The following SPATS2L variants were observed in gnomAD, a reference collection of about 807,000 sequenced individuals.
The protein encoded by SPATS2L is SPATS2-like protein.
In SPATS2L, 30 loss-of-function variants were observed where a neutral mutation model predicts 59.6. The ratio of observed to expected loss-of-function variants is 0.50; its 90% CI spans 0.38 to 0.68. The LOEUF is 0.68. SPATS2L is among the 30% of genes least tolerant of loss of function. SPATS2L has a pLI of 0.00. For missense variants in SPATS2L, 615 were observed against 700.0 expected, an observed-to-expected ratio of 0.88 and a Z score of 1.37; for synonymous variants, 252 against 263.5, an observed-to-expected ratio of 0.96 and a Z score of 0.42.
chr2:200,384,107 A>G, intron 2 of SPATS2L: 1 of 602,536 alleles, frequency 1.7e-6, no homozygotes, highest in Middle Eastern at 3.8e-4. Flanking sequence ...TAACTCATAC[A>G]TATTAAAATT....
At chr2:200,376,324 AAT>A (rs1241553816) in intron 2 of SPATS2L, among the ~76,000 whole-genome samples, 1 of 152,230 alleles carries the variant, frequency 6.6e-6, no homozygotes, top group Non-Finnish European at 1.5e-5. Flanking sequence ...TAAGATAGTA[AAT>A]ATGACCCCCT....
intron 11 of SPATS2L, among the ~76,000 whole-genome samples, chr2:200,470,693 G>A (rs960793804): frequency 1.3e-5 from 2 of 152,134 alleles, no homozygotes; most frequent in African/African-American, 2.4e-5. Flanking sequence ...CCACAGCCTC[G>A]CAGTCAGCTG....
intron 5 of SPATS2L, among the ~76,000 whole-genome samples, chr2:200,418,933 A>C (rs2083189098): frequency 6.6e-6 from 1 of 152,194 alleles, no homozygotes; most frequent in South Asian, 2.1e-4. Context: ...GATGGTTATC[A>C]CCAGATTTTA....
At chr2:200,333,089 T>A (rs2080006819) in intron 2 of SPATS2L, among the ~76,000 whole-genome samples, 1 of 151,760 alleles carries the variant, frequency 6.6e-6, no homozygotes, top group Non-Finnish European at 1.5e-5. Context: ...AAGACCAGCC[T>A]GGGCAACATG....
intron 1 of SPATS2L, among the ~76,000 whole-genome samples, chr2:200,310,206 G>A (rs930174814): frequency 6.6e-6 from 1 of 152,078 alleles, no homozygotes; most frequent in Admixed American, 6.5e-5. Flanking sequence ...CAAACTTTTT[G>A]TATTCTCTCT....
At chr2:200,306,677 G>A (rs1456179943), upstream of SPATS2L, 8 of 986,422 alleles carry the variant, frequency 8.1e-6, no homozygotes, top group Non-Finnish European at 9.6e-6. Context: ...GTCCCTGCGT[G>A]GGGCGGCCGA....
chr2:200,331,005 C>T (rs2079925232), intron 2 of SPATS2L, among the ~76,000 whole-genome samples: 1 of 152,202 alleles, frequency 6.6e-6, no homozygotes, highest in African/African-American at 2.4e-5. Context: ...TTTCTAATTA[C>T]AGCTCAAAGG....
At chr2:200,432,878 A>T (rs925370404) in intron 6 of SPATS2L, among the ~76,000 whole-genome samples, 3 of 152,220 alleles carry the variant, frequency 2.0e-5, no homozygotes, top group African/African-American at 7.2e-5. Flanking sequence ...AAACTATGCC[A>T]ACTGAAGAAC....
At chr2:200,376,809 C>A (rs1209734550) in intron 2 of SPATS2L, among the ~76,000 whole-genome samples, 1 of 152,220 alleles carries the variant, frequency 6.6e-6, no homozygotes, top group Non-Finnish European at 1.5e-5. Flanking sequence ...TGCAGTCAGG[C>A]CCCTAGCTTC....
At chr2:200,403,868 G>T (rs2082608665) in intron 3 of SPATS2L, among the ~76,000 whole-genome samples, 1 of 146,886 alleles carries the variant, frequency 6.8e-6, no homozygotes, top group Non-Finnish European at 1.5e-5. Flanking sequence ...TTCCATAAGG[G>T]CAGCTCTAAA....
chr2:200,473,094 A>T (rs758891112), intron 12 of SPATS2L, 42 bp downstream of exon 12: 1 of 1,523,572 alleles, frequency 6.6e-7, no homozygotes, highest in Non-Finnish European at 8.8e-7. Flanking sequence ...AAAAAAAAAA[A>T]AAAACCTGTT....
chr2:200,402,743 C>T (rs868394025), intron 3 of SPATS2L, among the ~76,000 whole-genome samples: 17 of 152,172 alleles, frequency 1.1e-4, no homozygotes, highest in African/African-American at 3.9e-4. Flanking sequence ...ATGAATGAAC[C>T]AGGTATTAAA....
chr2:200,374,394 C>T (rs1273158860), intron 2 of SPATS2L, among the ~76,000 whole-genome samples: 4 of 152,166 alleles, frequency 2.6e-5, no homozygotes, highest in African/African-American at 9.7e-5. Flanking sequence ...TGATTAAGCT[C>T]ACCTAAACTA....
At chr2:200,422,085 C>A (rs2083328601) in intron 6 of SPATS2L, among the ~76,000 whole-genome samples, 1 of 152,216 alleles carries the variant, frequency 6.6e-6, no homozygotes, top group Non-Finnish European at 1.5e-5. Flanking sequence ...CTTTTGGAAA[C>A]CCTCACATGA....
At chr2:200,352,342 T>C (rs1391670259) in intron 2 of SPATS2L, among the ~76,000 whole-genome samples, 1 of 17,404 alleles carries the variant, frequency 5.7e-5, no homozygotes, top group Non-Finnish European at 4.0e-4. Flanking sequence ...TATATATATA[T>C]ATATATATAT....
At chr2:200,370,127 G>A (rs543194025) in intron 2 of SPATS2L, among the ~76,000 whole-genome samples, 44 of 152,292 alleles carry the variant, frequency 2.9e-4, no homozygotes, top group African/African-American at 1.0e-3. Context: ...TGTGAGAATG[G>A]CAAAGAATGG....
chr2:200,432,390 G>A (rs2083991937), intron 6 of SPATS2L, among the ~76,000 whole-genome samples: 1 of 152,220 alleles, frequency 6.6e-6, no homozygotes. Context: ...TTAAGGAACA[G>A]TGCACTATCC....
chr2:200,361,483 G>T (rs1008093229), intron 2 of SPATS2L, among the ~76,000 whole-genome samples: 4 of 152,184 alleles, frequency 2.6e-5, no homozygotes, highest in African/African-American at 4.8e-5. Context: ...CAGGGAAAGA[G>T]ATTTCAAAAC....
At chr2:200,472,191 C>T (rs960373766) in intron 11 of SPATS2L, among the ~76,000 whole-genome samples, 9 of 152,172 alleles carry the variant, frequency 5.9e-5, no homozygotes, top group South Asian at 2.1e-4. Flanking sequence ...CTGCAGAAAA[C>T]GGGGCTGATT....
Sources: allele counts gnomAD v4.1 joint callset (sites outside exome capture counted in the v4.1 genomes callset), GRCh38; gene constraint gnomAD v4.1.1; transcripts MANE v1.5; gene names NCBI Gene and HGNC (gene_info 2026-07-23, HGNC 2026-07-21).